TK2: variants seen among roughly 807,000 people sequenced by gnomAD.
TK2 encodes thymidine kinase 2.
A neutral mutation model predicts 41.9 loss-of-function variants in TK2; 35 were observed. That is an observed-to-expected ratio of 0.84 (90% CI 0.64 to 1.11). The LOEUF (loss-of-function observed/expected upper bound fraction) is 1.11. TK2 is among the 50% of genes least tolerant of loss of function. The pLI is 0.00. For missense variants in TK2, 320 were observed against 351.1 expected (o/e 0.91, Z 0.71); for synonymous variants, 128 against 129.1 (o/e 0.99, Z 0.06).
rs1192132885 is a variant in TK2, at chr16:66,508,874, T to C, written c.*3094A>G. ...ACTCGTTTGTAAATTCGGTCACTCA[T>C]GTTATTGGAACAAGGATGAGGTGGT... On this transcript the variant is annotated 3_prime_UTR_variant, in exon 10 of 10. Coordinates refer to ENST00000544898, the MANE Select transcript of TK2 (RefSeq NM_004614.5). 1 of 152,294 alleles carries C rather than the reference T, an allele frequency of 6.6e-6. No homozygotes were observed. Among genetic ancestry groups the C allele is most frequent in the Non-Finnish European group, 1.5e-5 (1 of 68,056 alleles). 9.4% of individuals were successfully genotyped at this position (152,294 alleles called of 1,614,324 possible).
intron 2 of TK2, chr16:66,548,774 CTG>C (rs891306807): frequency 4.2e-5 from 25 of 594,854 alleles, no homozygotes; most frequent in African/African-American, 3.9e-4. Context: ...GTGCTCCTAT[CTG>C]TGCAGACTCT....
intron 8 of TK2, among the ~76,000 whole-genome samples, chr16:66,515,118 C>T (rs1278401498): frequency 1.3e-5 from 2 of 151,764 alleles, no homozygotes. Context: ...TGTCCTATGA[C>T]CCTGCCAAAT....
intron 2 of TK2, among the ~76,000 whole-genome samples, chr16:66,543,417 C>A (rs1965514133): frequency 6.6e-6 from 1 of 152,222 alleles, no homozygotes; most frequent in South Asian, 2.1e-4. Context: ...CCAGGCACTG[C>A]TGATGACATA....
intron 5 of TK2, 79 bp from the exon 6 acceptor site, chr16:66,529,146 C>T: frequency 7.4e-7 from 1 of 1,354,034 alleles, no homozygotes; most frequent in Non-Finnish European, 1.1e-6. Flanking sequence ...GTCTGTTACT[C>T]CCCCTGCCTG....
chr16:66,549,114 T>C, intron 1 of TK2, 105 bp from the exon 2 acceptor site: 1 of 1,571,172 alleles, frequency 6.4e-7, no homozygotes, highest in Non-Finnish European at 8.6e-7. Context: ...GCTCACTCCC[T>C]GGCCTAAAAA....
chr16:66,543,507 C>T (rs1008740397), intron 2 of TK2, among the ~76,000 whole-genome samples: 1 of 152,164 alleles, frequency 6.6e-6, no homozygotes, highest in South Asian at 2.1e-4. Context: ...CCCCTGAGAA[C>T]ACATTAGACA....
intron 5 of TK2, 52 bp downstream of exon 5, chr16:66,531,328 C>G (rs964990453): frequency 1.3e-6 from 2 of 1,574,444 alleles, no homozygotes; most frequent in African/African-American, 2.7e-5. Context: ...TCACATACCC[C>G]AAGTCTGAAG....
chr16:66,550,111 G>T lies in TK2; in HGVS notation c.-50C>A. ...CCGGGGTTCCTTCTTGTGCGAGTCG[G>T]CGCGGACGACTGCTAGTCCAGCCGT... On this transcript the variant is annotated 5_prime_UTR_variant, in exon 1 of 10. Transcript: ENST00000544898. 1 of 1,610,116 alleles carries T rather than the reference G, an allele frequency of 6.2e-7. No homozygotes were observed. The highest frequency in any genetic ancestry group is 1.1e-5 in the South Asian group (1 of 90,440).
rs117304331 is a variant in TK2 at position 66,517,371 on chromosome 16, T to C, written c.539-156A>G. 7,166 of 751,078 alleles carry C rather than the reference T, an allele frequency of 9.5e-3. 316 individuals are homozygous for C. Among genetic ancestry groups the C allele is most frequent in the East Asian group, 0.089 (3,567 of 40,152 alleles). The allele number at this position is 751,078 out of a possible 1,614,324, so 46.5% of individuals were successfully genotyped here. On this transcript the variant is annotated intron_variant, in intron 7 of 9. Coordinates refer to ENST00000544898, the MANE Select transcript of TK2 (RefSeq NM_004614.5). The surrounding 1 kb of genome is among the most constrained non-coding windows in gnomAD (Gnocchi z 4.3). ...GACCACTGACCCTCCGCCTCGACTTTCATTCTCTTTCAGTGTCAGCGGCCC... is the reference window on the plus strand; with the variant it reads ...GACCACTGACCCTCCGCCTCGACTTCCATTCTCTTTCAGTGTCAGCGGCCC...
intron 4 of TK2, among the ~76,000 whole-genome samples, chr16:66,533,192 C>G (rs544498435): frequency 4.2e-4 from 64 of 151,740 alleles, no homozygotes; most frequent in African/African-American, 1.5e-3. Context: ...GCCTCAGCCT[C>G]CCAAGTAGCT....
chr16:66,547,253 C>T (rs755279413), intron 2 of TK2, among the ~76,000 whole-genome samples: 35 of 152,248 alleles, frequency 2.3e-4, no homozygotes, highest in Non-Finnish European at 4.4e-4. Flanking sequence ...CACTCAGCTG[C>T]GGGCTCTGTG....
chr16:66,524,528 G>T (rs1386402354), intron 6 of TK2, among the ~76,000 whole-genome samples: 1 of 152,078 alleles, frequency 6.6e-6, no homozygotes, highest in African/African-American at 2.4e-5. Flanking sequence ...GTAGAGATGG[G>T]AGTCTTACTT....
chr16:66,548,629 T>A (rs1307693585), intron 2 of TK2: 12 of 290,252 alleles, frequency 4.1e-5, no homozygotes, highest in Non-Finnish European at 7.2e-5. Context: ...GGACAGAGCT[T>A]CCCTCACATC....
chr16:66,539,500 C>T (rs1326868115), intron 3 of TK2, among the ~76,000 whole-genome samples: 1 of 148,722 alleles, frequency 6.7e-6, no homozygotes, highest in Non-Finnish European at 1.5e-5. Flanking sequence ...ACTTGGGAGG[C>T]TGAAGCAGGA....
At position 66,518,167 on chromosome 16, in the gene TK2, G is replaced by A. The variant is rs1407994528; in HGVS notation, c.450-290C>T. 6.9e-6 allele frequency: 3 copies of A among 437,092 alleles called. No individual in the cohort carries two copies. The East Asian group carries it at 1.5e-4, about 21-fold the overall frequency. 27.1% of individuals were successfully genotyped at this position (437,092 alleles called of 1,614,324 possible). ...AGCAGAGAAAGGGACTTTAAAGCTT[G>A]TACCCTGAGAACAGAGACAGTGCTC... On this transcript the variant is annotated intron_variant, in intron 6 of 9. Transcript: ENST00000544898.
At chr16:66,542,710 A>T (rs1035636249) in intron 2 of TK2, among the ~76,000 whole-genome samples, 1 of 152,174 alleles carries the variant, frequency 6.6e-6, no homozygotes, top group Admixed American at 6.5e-5. Flanking sequence ...ACCAAGGAGC[A>T]TCCTAGAAGT....
rs1965310813 is a variant in TK2 at position 66,537,168 on chromosome 16, C to CA, written c.232-152dup. The CA allele has an allele frequency of 4.8e-6, 4 of 840,252 alleles. 1 individual carries two copies. Among genetic ancestry groups the CA allele is most frequent in the Admixed American group, 2.0e-5 (1 of 50,040 alleles). The allele number at this position is 840,252 out of a possible 1,614,324, so 52.0% of individuals were successfully genotyped here. A position where few individuals can be genotyped will look rare whatever the true frequency, so the allele number is the denominator to read the frequency against. ...GCCCAAGGTAGGCCAAAATAGCTGA[C>CA]AACCCCCGTGAGGTCACAACTCTAT... On this transcript the variant is annotated intron_variant, in intron 3 of 9. Coordinates refer to ENST00000544898, the MANE Select transcript of TK2 (RefSeq NM_004614.5).
chr16:66,512,731 C>A (rs1445710684), intron 9 of TK2, among the ~76,000 whole-genome samples: 1 of 152,250 alleles, frequency 6.6e-6, no homozygotes, highest in East Asian at 1.9e-4. Flanking sequence ...TGCAGCGAGC[C>A]GAGATTGCGT....
At position 66,511,869 on chromosome 16, in the gene TK2, A is replaced by T; in HGVS notation, c.*99T>A. 9.7e-7 allele frequency: 1 copy of T among 1,030,066 alleles called. No individual in the cohort carries two copies. The highest frequency in any genetic ancestry group is 1.5e-6 in the Non-Finnish European group (1 of 658,926). 63.8% of individuals were successfully genotyped at this position (1,030,066 alleles called of 1,614,324 possible). The stretch of plus-strand genomic sequence containing the variant: ...ATTAGGAAAATCAAGCTGGCCAGAC[A>T]CAAAGCCCTCCTGGGAGCAAGTTTT... On this transcript the variant is annotated 3_prime_UTR_variant, in exon 10 of 10. Transcript: ENST00000544898.
Sources: allele counts gnomAD v4.1 joint callset (sites outside exome capture counted in the v4.1 genomes callset), GRCh38; gene constraint gnomAD v4.1.1; non-coding constraint Gnocchi (gnomAD v3.1); transcripts MANE v1.5; gene names NCBI Gene and HGNC (gene_info 2026-07-23, HGNC 2026-07-21).